The following DNM3 variants were observed in gnomAD, a reference collection of about 807,000 sequenced individuals.
The protein encoded by DNM3 is dynamin 3.
A neutral mutation model predicts 101.6 loss-of-function variants in DNM3; 47 were observed. The ratio of observed to expected loss-of-function variants is 0.46; its 90% CI spans 0.37 to 0.59. DNM3 has a LOEUF of 0.59. Among genes scored for constraint, DNM3 ranks in the 20% least tolerant of loss-of-function variants. The pLI is 0.00. For missense variants in DNM3, 849 were observed against 1,085.7 expected, an observed-to-expected ratio of 0.78 and a Z score of 3.06; for synonymous variants, 385 against 387.9, an observed-to-expected ratio of 0.99 and a Z score of 0.09.
intron 16 of DNM3, among the ~76,000 whole-genome samples, chr1:172,318,493 G>A (rs1019714259): frequency 1.3e-5 from 2 of 152,278 alleles, no homozygotes; most frequent in Admixed American, 6.5e-5. Context: ...AAACCCCATT[G>A]TCTCAGCCCA....
chr1:172,388,899 G>A, intron 20 of DNM3, 90 bp downstream of exon 20: 1 of 1,139,250 alleles, frequency 8.8e-7, no homozygotes, highest in Non-Finnish European at 1.3e-6. Flanking sequence ...AGAGAAAATT[G>A]CAAAGATCTT....
At chr1:171,960,209 G>C (rs145106403) in intron 2 of DNM3, among the ~76,000 whole-genome samples, 9 of 137,922 alleles carry the variant, frequency 6.5e-5, no homozygotes, top group Non-Finnish European at 1.4e-4. Flanking sequence ...CATAAGCCAA[G>C]CCATTGCTGA....
intron 10 of DNM3, among the ~76,000 whole-genome samples, chr1:172,053,149 G>T (rs922300935): frequency 1.3e-5 from 2 of 151,990 alleles, no homozygotes; most frequent in Non-Finnish European, 2.9e-5. Flanking sequence ...TTGTATTTAG[G>T]TTCCCTGTCT....
intron 15 of DNM3, among the ~76,000 whole-genome samples, chr1:172,266,627 C>T (rs1201533753): frequency 6.6e-6 from 1 of 152,008 alleles, no homozygotes. Context: ...TTCTAAATAC[C>T]CTGATTCAGG....
chr1:171,883,373 ACAC>A (rs2036467805), intron 1 of DNM3, among the ~76,000 whole-genome samples: 1 of 62,822 alleles, frequency 1.6e-5, no homozygotes, highest in South Asian at 6.5e-4. Flanking sequence ...CCACACACAC[ACAC>A]ACACACACAC....
chr1:172,220,858 G>A (rs540236652), intron 14 of DNM3, among the ~76,000 whole-genome samples: 14 of 152,142 alleles, frequency 9.2e-5, no homozygotes, highest in South Asian at 2.1e-4. Context: ...TAATAAAAGC[G>A]TGCCATAAAG....
chr1:172,142,043 ATAAT>A (rs1166201844), intron 14 of DNM3: 1 of 152,082 alleles, frequency 6.6e-6, no homozygotes, highest in Admixed American at 6.6e-5. Flanking sequence ...AAAATGAAAA[ATAAT>A]TATGAAATTT....
At chr1:171,874,702 GT>G (rs906982219) in intron 1 of DNM3, among the ~76,000 whole-genome samples, 1 of 151,916 alleles carries the variant, frequency 6.6e-6, no homozygotes, top group African/African-American at 2.4e-5. Context: ...ATATATGCAC[GT>G]TTGTTACATG....
intron 13 of DNM3, among the ~76,000 whole-genome samples, chr1:172,124,236 C>T (rs1335443575): frequency 6.6e-6 from 1 of 152,094 alleles, no homozygotes; most frequent in Admixed American, 6.5e-5. Context: ...TTCCTAGATA[C>T]AAAAGTTCAA....
intron 14 of DNM3, among the ~76,000 whole-genome samples, chr1:172,201,042 T>C (rs1472636612): frequency 6.6e-6 from 1 of 152,168 alleles, no homozygotes; most frequent in Non-Finnish European, 1.5e-5. Flanking sequence ...GTCAATAGAC[T>C]TCTTTTTTGG....
chr1:172,104,891 T>A (rs2054900757), intron 13 of DNM3, among the ~76,000 whole-genome samples: 1 of 152,228 alleles, frequency 6.6e-6, no homozygotes, highest in Non-Finnish European at 1.5e-5. Context: ...GCATAGAATC[T>A]GCAAAGTCTA....
intron 15 of DNM3, among the ~76,000 whole-genome samples, chr1:172,278,208 G>GT (rs563548097): frequency 2.6e-5 from 4 of 151,714 alleles, no homozygotes; most frequent in East Asian, 1.9e-4. Flanking sequence ...AATAGCTATG[G>GT]TTTTTTTTCT....
chr1:171,989,288 T>A, intron 4 of DNM3, 140 bp downstream of exon 4: 1 of 498,238 alleles, frequency 2.0e-6, no homozygotes, highest in Non-Finnish European at 3.1e-6. Flanking sequence ...TTTTGTATTT[T>A]AAATAGAAAA....
At chr1:171,914,229 C>T (rs2039528124) in intron 1 of DNM3, among the ~76,000 whole-genome samples, 1 of 152,098 alleles carries the variant, frequency 6.6e-6, no homozygotes, top group South Asian at 2.1e-4. Flanking sequence ...GCGATCGCGG[C>T]TCACCGCAAC....
At chr1:172,321,092 T>C (rs1260712433) in intron 16 of DNM3, among the ~76,000 whole-genome samples, 1 of 152,204 alleles carries the variant, frequency 6.6e-6, no homozygotes, top group Admixed American at 6.5e-5. Context: ...TTAGGTCGGC[T>C]TTGCAGATTG....
chr1:172,039,740 C>T (rs1558467944), intron 7 of DNM3, among the ~76,000 whole-genome samples: 1 of 151,906 alleles, frequency 6.6e-6, no homozygotes, highest in African/African-American at 2.4e-5. Context: ...TCTTTCTGAC[C>T]TATTTCTTTT....
At chr1:171,929,781 G>T (rs1413921479) in intron 2 of DNM3, among the ~76,000 whole-genome samples, 2 of 152,196 alleles carry the variant, frequency 1.3e-5, no homozygotes, top group Non-Finnish European at 2.9e-5. Context: ...CAGTTGGGAG[G>T]TCCCGCCTAG....
intron 1 of DNM3, among the ~76,000 whole-genome samples, chr1:171,876,773 G>T (rs77166515): frequency 0.016 from 2,417 of 152,330 alleles, 74 homozygotes; most frequent in African/African-American, 0.055. Context: ...GGGATGAAAG[G>T]TTGTTATTCG....
chr1:172,032,523 AGACT>A, intron 5 of DNM3, 23 bp downstream of exon 5: 1 of 1,018,510 alleles, frequency 9.8e-7, no homozygotes, highest in South Asian at 1.8e-5. Context: ...GGTCTATACA[AGACT>A]TTTTTTTTTT....
Sources: allele counts gnomAD v4.1 joint callset (sites outside exome capture counted in the v4.1 genomes callset), GRCh38; gene constraint gnomAD v4.1.1; transcripts MANE v1.5; gene names NCBI Gene and HGNC (gene_info 2026-07-23, HGNC 2026-07-21).